TBC1D22A: variants seen among roughly 807,000 people sequenced by gnomAD.
The protein encoded by TBC1D22A is TBC1 domain family member 22A, also known as putative GTPase activator.
A neutral mutation model predicts 60.2 loss-of-function variants in TBC1D22A; 38 were observed. That is an observed-to-expected ratio of 0.63 (90% CI 0.49 to 0.83). TBC1D22A has a LOEUF of 0.83. Ranked by LOEUF, TBC1D22A falls within the 40% of genes least tolerant of loss-of-function variation. The pLI, the probability that TBC1D22A is intolerant of heterozygous loss-of-function variation, is 0.00. For missense variants in TBC1D22A, 628 were observed against 701.0 expected (o/e 0.90, Z 1.18); for synonymous variants, 302 against 281.7 (o/e 1.07, Z -0.72).
chr22:46,984,916 G>C (rs531500656), intron 9 of TBC1D22A, among the ~76,000 whole-genome samples: 1 of 152,292 alleles, frequency 6.6e-6, no homozygotes, highest in Admixed American at 6.5e-5. Flanking sequence ...CCAGGGAGGC[G>C]ACAGGGTAGT....
intron 11 of TBC1D22A, among the ~76,000 whole-genome samples, chr22:47,055,512 A>T (rs2063362653): frequency 1.3e-5 from 2 of 152,204 alleles, no homozygotes; most frequent in African/African-American, 2.4e-5. Flanking sequence ...TACATTTGTG[A>T]TATACAGCAA....
intron 8 of TBC1D22A, among the ~76,000 whole-genome samples, chr22:46,947,734 C>T (rs146765217): frequency 0.012 from 225 of 19,188 alleles, 1 homozygote; most frequent in African/African-American, 0.046. Flanking sequence ...CACGCTGTTG[C>T]CAGGAGTGGG....
Position 46,911,837 on chromosome 22 carries a change from T to A in TBC1D22A, c.901-237T>A, listed in dbSNP as rs2069949285. ...GGAAGGCTGAGGTGGGAGGATTGCT[T>A]GAACCTGGAAGGCAGAGGCTGCAGT... On this transcript the variant is annotated intron_variant, in intron 7 of 12. Transcript: ENST00000337137. 2.6e-5 allele frequency among the ~76,000 whole-genome samples: 4 copies of A among 151,740 alleles called. No homozygotes were observed. In the South Asian group the frequency reaches 8.3e-4, roughly 32 times the overall value.
chr22:47,115,371 C>T (rs1354749767), intron 12 of TBC1D22A, among the ~76,000 whole-genome samples: 1 of 150,750 alleles, frequency 6.6e-6, no homozygotes, highest in Non-Finnish European at 1.5e-5. Context: ...CCCGGCTCCA[C>T]ATGTTGATGT....
chr22:47,021,163 C>A (rs948752804), intron 10 of TBC1D22A, among the ~76,000 whole-genome samples: 1 of 151,724 alleles, frequency 6.6e-6, no homozygotes, highest in Non-Finnish European at 1.5e-5. Flanking sequence ...GCCTGGAGCC[C>A]TGAGCAGGGA....
intron 8 of TBC1D22A, among the ~76,000 whole-genome samples, chr22:46,929,135 G>T (rs982736507): frequency 6.6e-6 from 1 of 152,208 alleles, no homozygotes; most frequent in Non-Finnish European, 1.5e-5. Context: ...AAAGAAAGTG[G>T]AAGCTCATTA....
At chr22:47,051,814 A>G (rs1314647565) in intron 11 of TBC1D22A, among the ~76,000 whole-genome samples, 1 of 152,094 alleles carries the variant, frequency 6.6e-6, no homozygotes, top group Admixed American at 6.5e-5. Context: ...ATGAGTGGAG[A>G]AGACTCCTTC....
chr22:46,884,477 C>A (rs573524086), intron 5 of TBC1D22A, among the ~76,000 whole-genome samples: 3 of 152,144 alleles, frequency 2.0e-5, no homozygotes, highest in Admixed American at 2.0e-4. Context: ...GCCGTGGGCT[C>A]CTCCCACAGC....
chr22:47,108,247 A>G (rs1025119183), intron 11 of TBC1D22A, among the ~76,000 whole-genome samples: 4 of 152,252 alleles, frequency 2.6e-5, no homozygotes, highest in African/African-American at 9.6e-5. Context: ...AAAGATGAGT[A>G]CACAAATGTT....
In TBC1D22A at chr22:46,903,520, C is replaced by T. The variant is rs371430988; in HGVS notation, c.901-8554C>T. Among the ~76,000 whole-genome samples, 559 of 152,306 alleles carry T rather than the reference C, an allele frequency of 3.7e-3. 2 individuals carry two copies. Among genetic ancestry groups the T allele is most frequent in the African/African-American group, 0.013 (529 of 41,568 alleles). ...TTCAGTGGACTTCCACCCTAGCTCT[C>T]GCCTCTGGTTGCTGCTCTGAGCGTG... On this transcript the variant is annotated intron_variant, in intron 7 of 12. Transcript: ENST00000337137.
chr22:47,071,702 T>C (rs1210925001), intron 11 of TBC1D22A, among the ~76,000 whole-genome samples: 1 of 152,244 alleles, frequency 6.6e-6, no homozygotes, highest in Non-Finnish European at 1.5e-5. Context: ...GCTAATGCTT[T>C]ATGGCTGTGG....
chr22:47,019,914 C>A (rs2010514), intron 10 of TBC1D22A, among the ~76,000 whole-genome samples: 2 of 101,180 alleles, frequency 2.0e-5, no homozygotes, highest in East Asian at 6.6e-4. Context: ...ACTCTCCATC[C>A]TCCCCTCTCC....
chr22:46,890,908 G>A (rs2068363824), intron 5 of TBC1D22A, among the ~76,000 whole-genome samples: 1 of 152,168 alleles, frequency 6.6e-6, no homozygotes, highest in Non-Finnish European at 1.5e-5. Flanking sequence ...GGTATATGAG[G>A]CCTCTAGAGA....
At chr22:46,903,108 C>T (rs2069127304) in intron 7 of TBC1D22A, among the ~76,000 whole-genome samples, 1 of 152,160 alleles carries the variant, frequency 6.6e-6, no homozygotes, top group African/African-American at 2.4e-5. Flanking sequence ...CCCTGGTGCA[C>T]CTGGAGTCTC....
chr22:46,842,477 T>A (rs73468762), intron 4 of TBC1D22A, among the ~76,000 whole-genome samples: 6,080 of 152,318 alleles, frequency 0.04, 415 homozygotes, highest in African/African-American at 0.14. Context: ...CCATCCATCA[T>A]TCCGTCTCTT....
chr22:47,136,377 G>T (rs2066873188), intron 12 of TBC1D22A, among the ~76,000 whole-genome samples: 2 of 152,350 alleles, frequency 1.3e-5, no homozygotes, highest in African/African-American at 2.4e-5. Flanking sequence ...CCACTGACCT[G>T]GGTGGTCTCT....
At chr22:47,111,390 A>C in intron 11 of TBC1D22A, 118 bp from the exon 12 acceptor site, 1 of 834,378 alleles carries the variant, frequency 1.2e-6, no homozygotes, top group Non-Finnish European at 1.9e-6. Context: ...GAGTCAACAC[A>C]AGCTTTGGTT....
intron 12 of TBC1D22A, among the ~76,000 whole-genome samples, chr22:47,165,546 C>A (rs2068172880): frequency 6.7e-6 from 1 of 148,526 alleles, no homozygotes; most frequent in Non-Finnish European, 1.5e-5. Context: ...CTGCCTGGCT[C>A]TAGAGCAGGC....
intron 12 of TBC1D22A, among the ~76,000 whole-genome samples, chr22:47,114,990 C>T (rs2065979837): frequency 1.3e-5 from 2 of 151,330 alleles, no homozygotes; most frequent in African/African-American, 4.9e-5. Context: ...TGTGAGCCAC[C>T]TCCAGGGCCT....
Sources: gnomAD v4.1 joint callset for allele counts (sites outside exome capture counted in the v4.1 genomes callset) on GRCh38, gnomAD v4.1.1 for gene constraint, MANE v1.5 for transcripts, NCBI Gene and HGNC (gene_info 2026-07-23, HGNC 2026-07-21) for gene names.